Variants in PRSS48 observed in about 807,000 individuals in gnomAD.
PRSS48 encodes epidermis-specific serine protease-like protein.
Under a neutral mutation model 25.6 loss-of-function variants are expected in PRSS48, and 21 were observed. The observed-to-expected ratio is 0.82, with a 90% CI of 0.58 to 1.18. PRSS48 has a LOEUF of 1.18. Ranked by LOEUF, PRSS48 falls within the 50% of genes most tolerant of loss-of-function variation. PRSS48 has a pLI of 0.00. For missense variants in PRSS48, 373 were observed against 399.3 expected (o/e 0.93, Z 0.56); for synonymous variants, 150 against 149.3 (o/e 1.00, Z -0.04).
chr4:151,284,248 C>T (rs1774523571), intron 4 of PRSS48, among the ~76,000 whole-genome samples: 1 of 152,118 alleles, frequency 6.6e-6, no homozygotes, highest in African/African-American at 2.4e-5. Flanking sequence ...TCACACAAGT[C>T]CATTTTATTT....
Position 151,283,114 on chromosome 4 carries a change from C to T in PRSS48, c.482-3C>T. The T allele has an allele frequency of 1.2e-6, 2 of 1,613,478 alleles. No homozygotes were observed. The highest frequency in any genetic ancestry group is 1.7e-6 in the Non-Finnish European group (2 of 1,179,592). On this transcript the variant is annotated splice_region_variant and splice_polypyrimidine_tract_variant and intron_variant, in intron 3 of 4. Transcript: ENST00000455694. ...AATCTTTTGTTCCTGTCTTCCTCCACAGATAGAGATTACCATTCTGCCCTT... is the reference window on the plus strand; with the variant it reads ...AATCTTTTGTTCCTGTCTTCCTCCATAGATAGAGATTACCATTCTGCCCTT...
intron 1 of PRSS48, 113 bp from the exon 2 acceptor site, chr4:151,279,683 T>C (rs1379117024): frequency 3.1e-6 from 3 of 982,870 alleles, no homozygotes; most frequent in African/African-American, 3.2e-5. Context: ...GTATGGTGTC[T>C]AGGGAGGGTT....
At chr4:151,291,751 T>C (rs1367203305), downstream of PRSS48, among the ~76,000 whole-genome samples, 3 of 152,148 alleles carry the variant, frequency 2.0e-5, 1 homozygote, top group African/African-American at 7.2e-5. Context: ...AAATAGCTAC[T>C]ACAGAGGCAG....
exon 5 of PRSS48, chr4:151,291,338 C>T (rs757100412): frequency 1.1e-5 from 17 of 1,613,734 alleles, no homozygotes; most frequent in Non-Finnish European, 1.4e-5. Context: ...CTCCTGCGTC[C>T]CTCCTGTGCC....
intron 4 of PRSS48, among the ~76,000 whole-genome samples, chr4:151,289,728 C>G: frequency 6.6e-6 from 1 of 152,190 alleles, no homozygotes; most frequent in East Asian, 1.9e-4. Flanking sequence ...TACCATATGA[C>G]CCAGAAATTC....
chr4:151,284,267 TTC>T (rs1221445455), intron 4 of PRSS48, among the ~76,000 whole-genome samples: 1 of 152,242 alleles, frequency 6.6e-6, no homozygotes. Context: ...TTTTATGTTT[TTC>T]TCTCTGTTCT....
intron 4 of PRSS48, among the ~76,000 whole-genome samples, chr4:151,287,880 C>G (rs1561433938): frequency 6.6e-6 from 1 of 152,032 alleles, no homozygotes; most frequent in African/African-American, 2.4e-5. Context: ...ACCCCTCTCT[C>G]TTTTTTTATT....
chr4:151,282,150 C>T, exon 3 of PRSS48: 1 of 1,613,618 alleles, frequency 6.2e-7, no homozygotes, highest in Non-Finnish European at 8.5e-7. Context: ...CCCCATAGGA[C>T]CTGGACTACT....
At chr4:151,279,056 T>C (rs1289251021) in intron 1 of PRSS48, 5 of 391,324 alleles carry the variant, frequency 1.3e-5, no homozygotes, top group African/African-American at 2.2e-5. Flanking sequence ...CTGTTGTCAG[T>C]ATCCACCTCT....
At chr4:151,291,224 C>T (rs771031727) in exon 5 of PRSS48, 3 of 1,613,724 alleles carry the variant, frequency 1.9e-6, no homozygotes, top group Middle Eastern at 1.7e-4. Context: ...GGAGTCTACA[C>T]CAATGTAATC....
chr4:151,287,266 G>C (rs531159156), intron 4 of PRSS48, among the ~76,000 whole-genome samples: 2 of 149,634 alleles, frequency 1.3e-5, no homozygotes, highest in Non-Finnish European at 3.0e-5. Flanking sequence ...ACTTGAACCC[G>C]GGAGGCAGAG....
chr4:151,277,919 T>C (rs1048247611), intron 1 of PRSS48, among the ~76,000 whole-genome samples: 4 of 152,086 alleles, frequency 2.6e-5, no homozygotes, highest in South Asian at 2.1e-4. Flanking sequence ...CGGGCACCTG[T>C]AGTCCCAGCT....
chr4:151,285,110 G>A (rs1774621810), intron 4 of PRSS48, among the ~76,000 whole-genome samples: 1 of 152,152 alleles, frequency 6.6e-6, no homozygotes, highest in South Asian at 2.1e-4. Flanking sequence ...AAAAAAAAGA[G>A]TGTCATTCCT....
intron 1 of PRSS48, chr4:151,279,124 A>G: frequency 2.3e-6 from 1 of 437,934 alleles, no homozygotes; most frequent in Non-Finnish European, 4.5e-6. Flanking sequence ...CTGACCTGCC[A>G]AGGCCAGCAC....
downstream of PRSS48, chr4:151,291,507 A>G: frequency 7.7e-7 from 1 of 1,303,818 alleles, no homozygotes; most frequent in South Asian, 1.5e-5. Context: ...ATTTGAAATG[A>G]TTTTGTTTTT....
At chr4:151,286,022 C>A (rs1774720988) in intron 4 of PRSS48, among the ~76,000 whole-genome samples, 2 of 148,428 alleles carry the variant, frequency 1.3e-5, no homozygotes, top group Admixed American at 6.7e-5. Context: ...ACAGTGAGAC[C>A]CTATCTCTAA....
intron 4 of PRSS48, among the ~76,000 whole-genome samples, chr4:151,289,807 CA>C (rs1204854599): frequency 6.6e-6 from 1 of 152,180 alleles, no homozygotes; most frequent in Admixed American, 6.5e-5. Context: ...GAGCTGGGCA[CA>C]GTGGCTTCCA....
intron 4 of PRSS48, among the ~76,000 whole-genome samples, chr4:151,287,653 G>A (rs1269363709): frequency 6.6e-6 from 1 of 152,184 alleles, no homozygotes; most frequent in Non-Finnish European, 1.5e-5. Context: ...CCAGCACTTT[G>A]AGAGGCCAAG....
At chr4:151,282,997 G>T in intron 3 of PRSS48, 120 bp from the exon 4 acceptor site, 1 of 749,842 alleles carries the variant, frequency 1.3e-6, no homozygotes, top group Non-Finnish European at 2.2e-6. Flanking sequence ...AAATATGATT[G>T]GAAAGGCATT....
Sources: gnomAD v4.1 joint callset for allele counts (sites outside exome capture counted in the v4.1 genomes callset) on GRCh38, gnomAD v4.1.1 for gene constraint, MANE v1.5 for transcripts, NCBI Gene and HGNC (gene_info 2026-07-23, HGNC 2026-07-21) for gene names.